EVPL: variants seen among roughly 807,000 people sequenced by gnomAD.
The protein encoded by EVPL is 210 kDa cornified envelope precursor protein.
A neutral mutation model predicts 129.7 loss-of-function variants in EVPL; 94 were observed. The ratio of observed to expected loss-of-function variants is 0.72; its 90% CI spans 0.61 to 0.86. EVPL has a LOEUF of 0.86. Among genes scored for constraint, EVPL ranks in the 40% least tolerant of loss-of-function variants. EVPL has a pLI of 0.00. For synonymous variants in EVPL, 1,172 were observed against 1,191.1 expected (o/e 0.98, Z 0.33); for missense variants, 2,625 against 2,721.1 (o/e 0.96, Z 0.79).
At position 76,022,802 on chromosome 17, in the gene EVPL, G is replaced by C. The variant is rs534214726; in HGVS notation, c.481-264C>G. 5.3e-5 allele frequency among the ~76,000 whole-genome samples: 8 copies of C among 152,264 alleles called. No individual in the cohort carries two copies. In the East Asian group the frequency reaches 1.5e-3, roughly 29 times the overall value. ...CTGCCTTGTCTGTGACCCAGCCTCA[G>C]TGCTTCCTGCCTGGACACCACCAGC... On this transcript the variant is annotated intron_variant, in intron 4 of 21. Coordinates refer to ENST00000301607, the MANE Select transcript of EVPL (RefSeq NM_001988.4). This position sits in a 1 kb window ranked among gnomAD's most constrained non-coding sequence, Gnocchi z 5.6.
Position 76,015,067 on chromosome 17 carries a change from GCAGCACGCAGGTCTGCTGTTC to G in EVPL, c.2050_2070del (p.Glu684_Leu690del), listed in dbSNP as rs1299614644. ...GAGGCCTTCAGCGCGCGGTGTAGCC[GCAGCACGCAGGTCTGCTGTTC>G]CAGCAGCTCCCTCCGCTGGCGCTGC... On this transcript the variant is annotated inframe_deletion, in exon 17 of 22. Transcript: ENST00000301607. The G allele has an allele frequency of 1.3e-6, 2 of 1,583,144 alleles. No individual in the cohort carries two copies. The highest frequency in any genetic ancestry group is 2.7e-5 in the African/African-American group (2 of 74,594).
chr17:76,024,689 C>T lies in EVPL; in HGVS notation c.99-569G>A, dbSNP rs1156993308. Among the ~76,000 whole-genome samples, 4 of 152,142 alleles carry T rather than the reference C, an allele frequency of 2.6e-5. No homozygotes were observed. The highest frequency in any genetic ancestry group is 9.7e-5 in the African/African-American group (4 of 41,418). ...GTCGGAGCCGGGGAGGTGGGGCAGG[C>T]GCAAGAGACTACTGGGCACCCTAAC... On this transcript the variant is annotated intron_variant, in intron 1 of 21. Coordinates refer to ENST00000301607, the MANE Select transcript of EVPL (RefSeq NM_001988.4). This position sits in a 1 kb window ranked among gnomAD's most constrained non-coding sequence, Gnocchi z 4.5.
In EVPL at chr17:76,012,066, G is replaced by C. The variant is rs750082635; in HGVS notation, c.2397C>G (p.Ser799Arg). The change falls in exon 19 of 22, where the codon AGC becomes AGG. Residue 799 changes from serine to arginine, a missense_variant. Coordinates refer to ENST00000301607, the MANE Select transcript of EVPL (RefSeq NM_001988.4). ...AQKRLTQEIQ[S>R]RERDRATASH... Reference sequence around the variant, plus strand: ...ATGCTGTGGCCCTGTCCCGCTCTCGGCTCTGGATCTCCTGCGTCAGCCTCT... The same window carrying C: ...ATGCTGTGGCCCTGTCCCGCTCTCGCCTCTGGATCTCCTGCGTCAGCCTCT... 2 of 1,611,500 alleles carry C rather than the reference G, an allele frequency of 1.2e-6. No individual in the cohort carries two copies. Among genetic ancestry groups the C allele is most frequent in the Non-Finnish European group, 1.7e-6 (2 of 1,179,568 alleles).
In EVPL at chr17:76,009,448, C is replaced by T; in HGVS notation, c.3757G>A (p.Val1253Met). The T allele has an allele frequency of 1.2e-6, 2 of 1,614,156 alleles. No individual in the cohort carries two copies. The highest frequency in any genetic ancestry group is 4.5e-5 in the East Asian group (2 of 44,874). ...AQKPTVEYKE[V>M]TQEVVRHERS... ...TCATGCCTCACCACCTCCTGGGTCA[C>T]CTCCTTGTACTCCACCGTGGGCTTC... Residue 1253 changes from valine to methionine, a missense_variant, in exon 22 of 22, where the codon GTG becomes ATG. Val to Met is a conservative substitution (Grantham distance 21). Coordinates refer to ENST00000301607, the MANE Select transcript of EVPL (RefSeq NM_001988.4). This position sits in a 1 kb window ranked among gnomAD's most constrained non-coding sequence, Gnocchi z 5.9.
In EVPL at chr17:76,024,157, A is replaced by C. The variant is rs1311263588; in HGVS notation, c.99-37T>G. On this transcript the variant is annotated intron_variant, in intron 1 of 21. Coordinates refer to ENST00000301607, the MANE Select transcript of EVPL (RefSeq NM_001988.4). The surrounding 1 kb of genome is among the most constrained non-coding windows in gnomAD (Gnocchi z 4.5). ...AGGGGACAGCGGGTAGCTCGGTGGA[A>C]GAGGCCCCTCTGTGCCCCATCCAGG... 1 of 1,594,260 alleles carries C rather than the reference A, an allele frequency of 6.3e-7. No homozygotes were observed. The highest frequency in any genetic ancestry group is 8.6e-7 in the Non-Finnish European group (1 of 1,167,258).
In EVPL at chr17:76,022,265, T is replaced by A. The variant is rs1598244474; in HGVS notation, c.607-38A>T. On this transcript the variant is annotated intron_variant, in intron 5 of 21. Coordinates refer to ENST00000301607, the MANE Select transcript of EVPL (RefSeq NM_001988.4). This position sits in a 1 kb window ranked among gnomAD's most constrained non-coding sequence, Gnocchi z 5.6. ...AGGGGAGAAACAAGCCCGTGAGAGG[T>A]GGGGTGCAGGGAGACGGCCCCCTAA... 2 of 1,610,142 alleles carry A rather than the reference T, an allele frequency of 1.2e-6. No homozygotes were observed. Among genetic ancestry groups the A allele is most frequent in the East Asian group, 4.5e-5 (2 of 44,750 alleles).
At chr17:76,015,161 T>A (rs2066409179) in intron 16 of EVPL, 52 bp from the exon 17 acceptor site, 4 of 1,558,594 alleles carry the variant, frequency 2.6e-6, no homozygotes, top group Non-Finnish European at 3.5e-6. Context: ...GGAGACGCCG[T>A]GTCCACCCAC....
Position 76,008,551 on chromosome 17 carries a change from C to G in EVPL, c.4654G>C (p.Ala1552Pro). Residue 1552 changes from alanine (A) to proline (P), a missense_variant, in exon 22 of 22, where the codon GCC becomes CCC. Physicochemically the swap from Ala to Pro is conservative, Grantham distance 27. Coordinates refer to ENST00000301607, the MANE Select transcript of EVPL (RefSeq NM_001988.4). This position sits in a 1 kb window ranked among gnomAD's most constrained non-coding sequence, Gnocchi z 7.4. ...MLNRERTARQAREEEARRLRE... is the reference protein window; with the variant it reads ...MLNRERTARQPREEEARRLRE... Reference sequence around the variant, plus strand: ...AGGCGCCGTGCCTCCTCCTCCCGGGCCTGCCGGGCCGTGCGCTCCCTGTTG... The same window carrying G: ...AGGCGCCGTGCCTCCTCCTCCCGGGGCTGCCGGGCCGTGCGCTCCCTGTTG... 1 of 1,608,786 alleles carries G rather than the reference C, an allele frequency of 6.2e-7. No homozygotes were observed. The highest frequency in any genetic ancestry group is 2.2e-5 in the East Asian group (1 of 44,874).
At chr17:76,018,327 C>A in intron 12 of EVPL, 69 bp from the exon 13 acceptor site, 1 of 1,516,390 alleles carries the variant, frequency 6.6e-7, no homozygotes, top group Non-Finnish European at 8.9e-7. Context: ...CCCCAGTAGA[C>A]GCAGCTTCAG....
rs778995082 is a variant in EVPL, at chr17:76,018,580, C to G, written c.1305G>C (p.Glu435Asp). Reference sequence around the variant, plus strand: ...CAGTGTTATCTACCAGCTTATACCGCTCACCCTGCAGCAGCTGCACCTGGG... The same window carrying G: ...CAGTGTTATCTACCAGCTTATACCGGTCACCCTGCAGCAGCTGCACCTGGG... ...DSGEVQLLQGERYKLVDNTDP... is the reference protein window; with the variant it reads ...DSGEVQLLQGDRYKLVDNTDP... Residue 435 changes from glutamate (E) to aspartate (D), a missense_variant, in exon 12 of 22, where the codon GAG becomes GAC. By Grantham distance (45) the Glu-to-Asp change is conservative (BLOSUM62 2). Around this residue, in one of 4 missense-constraint regions of EVPL, gnomAD observed 1,024 missense variants for 997.5 expected, o/e 1.03. Coordinates refer to ENST00000301607, the MANE Select transcript of EVPL (RefSeq NM_001988.4). The G allele has an allele frequency of 6.2e-7, 1 of 1,606,030 alleles. No individual in the cohort carries two copies. The highest frequency in any genetic ancestry group is 8.5e-7 in the Non-Finnish European group (1 of 1,176,300).
chr17:76,023,887 G>C (rs1397085602), intron 2 of EVPL, 134 bp downstream of exon 2: 17 of 1,274,630 alleles, frequency 1.3e-5, no homozygotes, highest in Non-Finnish European at 1.9e-5. Context: ...TTAGGGGATG[G>C]GCGGTGCAGG....
chr17:76,009,153 A>ACCGCGTCCT lies in EVPL; in HGVS notation c.4043_4051dup (p.Glu1348_Ala1350dup). The ACCGCGTCCT allele has an allele frequency of 6.2e-7, 1 of 1,609,512 alleles. No homozygotes were observed. The highest frequency in any genetic ancestry group is 8.5e-7 in the Non-Finnish European group (1 of 1,179,684). On this transcript the variant is annotated inframe_insertion, in exon 22 of 22. Transcript: ENST00000301607. This position sits in a 1 kb window ranked among gnomAD's most constrained non-coding sequence, Gnocchi z 5.9. ...CAGGCGCTTGCTCTGCAGCTCGTAC[A>ACCGCGTCCT]CCGCGTCCTCCGCGGCCCGCCTCTT...
intron 18 of EVPL, 32 bp downstream of exon 18, chr17:76,014,394 G>T (rs750170425): frequency 1.3e-6 from 2 of 1,593,894 alleles, no homozygotes; most frequent in East Asian, 4.5e-5. Flanking sequence ...GGGCCACATG[G>T]GCACAGGCAG....
rs557049522 is a variant in EVPL at position 76,024,910 on chromosome 17, G to A, written c.99-790C>T. ...ACAAGGTCAAGCAGACCTAAAAGAG[G>A]GCAGATTGGTCCAAGCCTTATGAGC... is the stretch of plus-strand genomic sequence containing the variant. On this transcript the variant is annotated intron_variant, in intron 1 of 21. Coordinates refer to ENST00000301607, the MANE Select transcript of EVPL (RefSeq NM_001988.4). The surrounding 1 kb of genome is among the most constrained non-coding windows in gnomAD (Gnocchi z 4.5). 2.6e-5 allele frequency among the ~76,000 whole-genome samples: 4 copies of A among 152,294 alleles called. No homozygotes were observed. In the South Asian group the frequency reaches 8.3e-4, roughly 32 times the overall value.
At chr17:76,017,429 A>G (rs2066425087) in intron 14 of EVPL, among the ~76,000 whole-genome samples, 1 of 152,154 alleles carries the variant, frequency 6.6e-6, no homozygotes, top group Admixed American at 6.5e-5. Flanking sequence ...GAGCTTCACC[A>G]GAATACCTCC....
intron 12 of EVPL, 43 bp downstream of exon 12, chr17:76,018,403 C>T: frequency 1.3e-6 from 2 of 1,582,568 alleles, no homozygotes; most frequent in African/African-American, 1.3e-5. Context: ...GGCCGGCCTG[C>T]TCTGCCCACA....
At chr17:76,012,618 C>G (rs1266903785) in intron 18 of EVPL, among the ~76,000 whole-genome samples, 1 of 151,926 alleles carries the variant, frequency 6.6e-6, no homozygotes, top group East Asian at 2.0e-4. Flanking sequence ...GAGTTCCGTT[C>G]TAGCACAGTA....
chr17:76,008,204 G>C lies in EVPL; in HGVS notation c.5001C>G (p.Ser1667Arg), dbSNP rs769580642. ...GGGTCTCCTGGCTGAGCTCCTCCCG[G>C]CTCACCTTGGCGTGGAGGTCCCGGA... ...RTLRDLHAKV[S>R]REELSQETQT... Residue 1667 changes from serine (S) to arginine (R), a missense_variant, in exon 22 of 22, where the codon AGC becomes AGG. By Grantham distance (110) the Ser-to-Arg change is moderately radical (BLOSUM62 -1). This residue lies in a region of EVPL where 1,453 missense variants were observed against 1,511.8 expected (regional missense o/e 0.96). Coordinates refer to ENST00000301607, the MANE Select transcript of EVPL (RefSeq NM_001988.4). The surrounding 1 kb of genome is among the most constrained non-coding windows in gnomAD (Gnocchi z 7.4). 6.2e-7 allele frequency: 1 copy of C among 1,614,074 alleles called. No individual in the cohort carries two copies. Among genetic ancestry groups the C allele is most frequent in the Non-Finnish European group, 8.5e-7 (1 of 1,180,026 alleles).
At position 76,019,663 on chromosome 17, in the gene EVPL, C is replaced by A; in HGVS notation, c.1012-10G>T. On this transcript the variant is annotated splice_polypyrimidine_tract_variant and intron_variant, in intron 9 of 21. Transcript: ENST00000301607. ...CGGCCTCTTCCTGGAACTGAGTTCA[C>A]TGGGTGGTCAAGGGCAGAGCCTCGT... The A allele has an allele frequency of 6.2e-7, 1 of 1,609,878 alleles. No homozygotes were observed. Among genetic ancestry groups the A allele is most frequent in the Non-Finnish European group, 8.5e-7 (1 of 1,178,272 alleles).
Sources: allele counts gnomAD v4.1 joint callset (sites outside exome capture counted in the v4.1 genomes callset), GRCh38; gene constraint gnomAD v4.1.1; regional missense constraint gnomAD v4.1.1; non-coding constraint Gnocchi (gnomAD v3.1); transcripts MANE v1.5; gene names NCBI Gene and HGNC (gene_info 2026-07-23, HGNC 2026-07-21).